Variants in TMC5 observed in about 807,000 individuals in gnomAD.
TMC5 encodes transmembrane channel-like protein 5.
A neutral mutation model predicts 110.5 loss-of-function variants in TMC5; 86 were observed. The ratio of observed to expected loss-of-function variants is 0.78; its 90% CI spans 0.65 to 0.93. The LOEUF is 0.93. TMC5 is among the 40% of genes least tolerant of loss of function. TMC5 has a pLI of 0.00. For missense variants in TMC5, 1,144 were observed against 1,222.8 expected (o/e 0.94, Z 0.96); for synonymous variants, 455 against 439.5 (o/e 1.04, Z -0.44).
intron 5 of TMC5, among the ~76,000 whole-genome samples, chr16:19,457,252 G>A (rs1050654276): frequency 2.0e-5 from 3 of 152,098 alleles, no homozygotes; most frequent in Non-Finnish European, 4.4e-5. Context: ...ATAATAACCA[G>A]GCATGATGGT....
intron 5 of TMC5, chr16:19,456,911 G>A (rs1967890112): frequency 6.2e-7 from 1 of 1,614,176 alleles, no homozygotes; most frequent in African/African-American, 1.3e-5. Flanking sequence ...GGGTAACCAG[G>A]TGCTGCGGTT....
At chr16:19,449,315 A>G (rs1039650860) in intron 4 of TMC5, among the ~76,000 whole-genome samples, 2 of 152,144 alleles carry the variant, frequency 1.3e-5, no homozygotes, top group African/African-American at 4.8e-5. Flanking sequence ...GGCTTAGTCA[A>G]ATGAAAAACC....
At chr16:19,437,227 G>A (rs1331120442) in intron 2 of TMC5, among the ~76,000 whole-genome samples, 1 of 152,148 alleles carries the variant, frequency 6.6e-6, no homozygotes, top group Non-Finnish European at 1.5e-5. Flanking sequence ...AGAAGGCAGA[G>A]CTTCTCTCTT....
At chr16:19,494,731 C>T (rs954407912) in intron 20 of TMC5, among the ~76,000 whole-genome samples, 1 of 152,006 alleles carries the variant, frequency 6.6e-6, no homozygotes, top group African/African-American at 2.4e-5. Context: ...TGCTTGAACC[C>T]AGGAGGTGGA....
chr16:19,443,634 G>A (rs969675900), intron 3 of TMC5, among the ~76,000 whole-genome samples: 7 of 152,334 alleles, frequency 4.6e-5, no homozygotes, highest in Admixed American at 4.6e-4. Context: ...CTAACTCAGG[G>A]TTGGCATTTA....
intron 1 of TMC5, among the ~76,000 whole-genome samples, chr16:19,428,210 C>CT (rs1284891107): frequency 2.0e-5 from 3 of 151,926 alleles, no homozygotes; most frequent in Non-Finnish European, 4.4e-5. Flanking sequence ...CTCATTCTAG[C>CT]TTTTTTAAAA....
chr16:19,425,980 C>T (rs1340830037), intron 1 of TMC5, among the ~76,000 whole-genome samples: 1 of 152,256 alleles, frequency 6.6e-6, no homozygotes, highest in African/African-American at 2.4e-5. Flanking sequence ...AGCCACCGCA[C>T]CCAGCCAATA....
intron 11 of TMC5, 42 bp from the exon 12 acceptor site, chr16:19,474,083 G>C (rs1359701442): frequency 1.2e-6 from 2 of 1,601,392 alleles, no homozygotes; most frequent in Non-Finnish European, 1.7e-6. Context: ...AAGGGGTACA[G>C]TGTACAAGTC....
At chr16:19,419,435 C>G (rs1235162414) in intron 1 of TMC5, among the ~76,000 whole-genome samples, 1 of 70,934 alleles carries the variant, frequency 1.4e-5, no homozygotes, top group Non-Finnish European at 2.6e-5. Flanking sequence ...TTTTTTGAGA[C>G]AGTGTCTTGC....
chr16:19,490,947 C>CCCTCCCCCTT (rs1307519445), intron 18 of TMC5, among the ~76,000 whole-genome samples: 1 of 72,592 alleles, frequency 1.4e-5, no homozygotes, highest in Non-Finnish European at 3.3e-5. Flanking sequence ...CCCTTCCCTT[C>CCCTCCCCCTT]CTTTCCCCTT....
intron 15 of TMC5, among the ~76,000 whole-genome samples, chr16:19,486,247 TG>T (rs1483492011): frequency 6.6e-6 from 1 of 151,950 alleles, no homozygotes; most frequent in Non-Finnish European, 1.5e-5. Flanking sequence ...AAGGTGCGGG[TG>T]GGGTTGGTTT....
chr16:19,459,773 C>T (rs1481437683), intron 5 of TMC5, among the ~76,000 whole-genome samples: 2 of 151,758 alleles, frequency 1.3e-5, no homozygotes, highest in Non-Finnish European at 2.9e-5. Context: ...AAAAAATTAG[C>T]CAGACATGGT....
chr16:19,469,558 G>C, intron 9 of TMC5, 123 bp from the exon 10 acceptor site: 4 of 1,243,280 alleles, frequency 3.2e-6, no homozygotes, highest in Non-Finnish European at 3.4e-6. Context: ...CAGGCCAACA[G>C]CTTGGGGCTA....
At chr16:19,428,417 C>T (rs980603804) in intron 1 of TMC5, among the ~76,000 whole-genome samples, 6 of 151,188 alleles carry the variant, frequency 4.0e-5, no homozygotes, top group Non-Finnish European at 7.4e-5. Context: ...CAAACGATTG[C>T]GCTGGCTTAG....
At chr16:19,487,556 G>C (rs771546062) in intron 17 of TMC5, among the ~76,000 whole-genome samples, 3 of 151,994 alleles carry the variant, frequency 2.0e-5, no homozygotes, top group Non-Finnish European at 4.4e-5. Context: ...ACAAAAATTA[G>C]CCAAGTGTGG....
chr16:19,463,707 A>G (rs1364145800), intron 7 of TMC5, 69 bp from the exon 8 acceptor site: 1 of 1,555,580 alleles, frequency 6.4e-7, no homozygotes, highest in Non-Finnish European at 8.7e-7. Flanking sequence ...TTCTGTTATT[A>G]TGGCACCTGC....
chr16:19,453,606 G>GA (rs1383649056), intron 5 of TMC5, among the ~76,000 whole-genome samples: 3 of 150,436 alleles, frequency 2.0e-5, no homozygotes, highest in Admixed American at 1.3e-4. Context: ...AAAAAAAGAA[G>GA]AAAAAAGAAA....
chr16:19,461,915 T>C (rs1427746042), intron 6 of TMC5, among the ~76,000 whole-genome samples: 2 of 152,132 alleles, frequency 1.3e-5, no homozygotes, highest in Non-Finnish European at 2.9e-5. Context: ...GAGATTGCAA[T>C]GGGAGGACCA....
At chr16:19,467,488 TTA>T (rs1312903682) in intron 9 of TMC5, among the ~76,000 whole-genome samples, 2 of 152,078 alleles carry the variant, frequency 1.3e-5, no homozygotes, top group South Asian at 2.1e-4. Flanking sequence ...AATTAATTAA[TTA>T]ATTTATTTTG....
Sources: gnomAD v4.1 joint callset for allele counts (sites outside exome capture counted in the v4.1 genomes callset) on GRCh38, gnomAD v4.1.1 for gene constraint, MANE v1.5 for transcripts, NCBI Gene and HGNC (gene_info 2026-07-23, HGNC 2026-07-21) for gene names.